Variants in CHCHD3 observed in about 807,000 individuals in gnomAD.
CHCHD3 encodes MICOS complex subunit MIC19.
CHCHD3 carries 20 observed loss-of-function variants against 38.2 expected under a neutral mutation model. The observed-to-expected ratio is 0.52, with a 90% CI of 0.37 to 0.76. The LOEUF (loss-of-function observed/expected upper bound fraction) is 0.76, where lower values mean the gene tolerates loss of function less well. Ranked by LOEUF, CHCHD3 falls within the 30% of genes least tolerant of loss-of-function variation. The probability of loss-of-function intolerance (pLI) is 0.00; values close to 1 mark genes in which losing one functional copy is unlikely to be tolerated. For synonymous variants in CHCHD3, 82 were observed against 100.0 expected (o/e 0.82, Z 1.07); for missense variants, 245 against 279.2 (o/e 0.88, Z 0.87).
At chr7:133,049,406 GATT>G (rs1250842102) in intron 2 of CHCHD3, among the ~76,000 whole-genome samples, 2 of 152,196 alleles carry the variant, frequency 1.3e-5, no homozygotes, top group African/African-American at 4.8e-5. Context: ...TTAGACATGT[GATT>G]TTTTAATTTA....
At chr7:133,001,531 A>G (rs1484586174) in intron 3 of CHCHD3, among the ~76,000 whole-genome samples, 1 of 152,164 alleles carries the variant, frequency 6.6e-6, no homozygotes, top group Non-Finnish European at 1.5e-5. Flanking sequence ...GTTTTTTTTA[A>G]TTACTTGTTA....
intron 2 of CHCHD3, among the ~76,000 whole-genome samples, chr7:133,026,718 A>G (rs1813347729): frequency 6.6e-6 from 1 of 152,200 alleles, no homozygotes. Context: ...CTACTGATAC[A>G]TGCTACAACA....
chr7:132,786,887 T>G (rs1040100194), intron 7 of CHCHD3, among the ~76,000 whole-genome samples: 2 of 152,228 alleles, frequency 1.3e-5, no homozygotes, highest in Non-Finnish European at 2.9e-5. Context: ...TAGAAAGTAA[T>G]TTTTTCCTTC....
intron 3 of CHCHD3, among the ~76,000 whole-genome samples, chr7:132,991,275 C>T (rs1054129105): frequency 1.3e-5 from 2 of 151,990 alleles, no homozygotes; most frequent in Non-Finnish European, 2.9e-5. Flanking sequence ...TTTGATTGTA[C>T]ATTTTTTCAT....
intron 6 of CHCHD3, among the ~76,000 whole-genome samples, chr7:132,807,108 C>T (rs1806940195): frequency 6.6e-6 from 1 of 152,052 alleles, no homozygotes; most frequent in Admixed American, 6.5e-5. Flanking sequence ...TAAGCCCACG[C>T]ATGAGAAAAA....
chr7:132,860,279 A>G (rs1808451104), intron 5 of CHCHD3, among the ~76,000 whole-genome samples: 1 of 144,140 alleles, frequency 6.9e-6, no homozygotes, highest in South Asian at 2.3e-4. Context: ...AAATAAACAG[A>G]TTTTTTTTTA....
At chr7:132,836,993 A>C (rs4731904) in intron 6 of CHCHD3, among the ~76,000 whole-genome samples, 57,312 of 151,716 alleles carry the variant, frequency 0.38, 11,345 homozygotes, top group Middle Eastern at 0.51. Context: ...CTGACTCAAG[A>C]CACTGCTTTG....
intron 4 of CHCHD3, chr7:132,973,351 T>C (rs1438709351): frequency 2.0e-6 from 2 of 985,312 alleles, no homozygotes; most frequent in African/African-American, 1.7e-5. Context: ...TTTGGAGACT[T>C]TAATATACAT....
At chr7:133,021,171 T>G (rs762655782) in intron 3 of CHCHD3, among the ~76,000 whole-genome samples, 5 of 152,232 alleles carry the variant, frequency 3.3e-5, no homozygotes, top group African/African-American at 4.8e-5. Context: ...TGCCTACTTT[T>G]TCCTTCTTAT....
intron 4 of CHCHD3, among the ~76,000 whole-genome samples, chr7:132,903,538 T>A (rs1809721209): frequency 6.6e-6 from 1 of 152,318 alleles, no homozygotes; most frequent in South Asian, 2.1e-4. Flanking sequence ...AATTTCTGAC[T>A]CTTCCCAGGA....
At chr7:133,012,115 A>G (rs562341636) in intron 3 of CHCHD3, among the ~76,000 whole-genome samples, 39 of 152,202 alleles carry the variant, frequency 2.6e-4, no homozygotes, top group African/African-American at 8.9e-4. Flanking sequence ...GTTTGAGGAG[A>G]GAGCTTTTCT....
At chr7:132,793,783 C>T (rs1806529149) in intron 7 of CHCHD3, among the ~76,000 whole-genome samples, 1 of 152,186 alleles carries the variant, frequency 6.6e-6, no homozygotes, top group African/African-American at 2.4e-5. Context: ...GGCTTGTTGT[C>T]ATGTATAGTA....
At chr7:132,793,104 G>A (rs1044104867) in intron 7 of CHCHD3, among the ~76,000 whole-genome samples, 6 of 152,082 alleles carry the variant, frequency 3.9e-5, no homozygotes, top group South Asian at 2.1e-4. Context: ...TCTCATTCCC[G>A]CTCCTTTCCA....
At chr7:132,898,962 A>G (rs1015906108) in intron 4 of CHCHD3, among the ~76,000 whole-genome samples, 1 of 152,180 alleles carries the variant, frequency 6.6e-6, no homozygotes, top group Non-Finnish European at 1.5e-5. Flanking sequence ...CGCCGCACAC[A>G]GCCCCGGTTC....
intron 4 of CHCHD3, among the ~76,000 whole-genome samples, chr7:132,949,970 G>A (rs928693471): frequency 6.6e-6 from 1 of 152,064 alleles, no homozygotes; most frequent in African/African-American, 2.4e-5. Context: ...CCTCCAGGAG[G>A]TTCTCAGTTG....
intron 6 of CHCHD3, among the ~76,000 whole-genome samples, chr7:132,837,958 T>C (rs1807831949): frequency 6.6e-6 from 1 of 152,172 alleles, no homozygotes; most frequent in African/African-American, 2.4e-5. Flanking sequence ...TTAAAGCCTT[T>C]CAAGGTACAT....
intron 7 of CHCHD3, among the ~76,000 whole-genome samples, chr7:132,794,988 T>C (rs1806569587): frequency 6.6e-6 from 1 of 152,234 alleles, no homozygotes; most frequent in Admixed American, 6.5e-5. Flanking sequence ...TATAAATATA[T>C]ACCATTGATG....
At chr7:132,840,214 C>A (rs1432363520) in intron 5 of CHCHD3, among the ~76,000 whole-genome samples, 1 of 152,218 alleles carries the variant, frequency 6.6e-6, no homozygotes, top group Non-Finnish European at 1.5e-5. Flanking sequence ...ACACCAGTCA[C>A]AACAGGCTCT....
intron 6 of CHCHD3, among the ~76,000 whole-genome samples, chr7:132,809,940 C>A (rs971550626): frequency 2.0e-5 from 3 of 152,132 alleles, no homozygotes; most frequent in African/African-American, 7.2e-5. Context: ...GAATTTTGTA[C>A]ATAGTGCCTT....
Sources: allele counts gnomAD v4.1 joint callset (sites outside exome capture counted in the v4.1 genomes callset), GRCh38; gene constraint gnomAD v4.1.1; transcripts MANE v1.5; gene names NCBI Gene and HGNC (gene_info 2026-07-23, HGNC 2026-07-21).